The following GPHN variants were observed in gnomAD, a reference collection of about 807,000 sequenced individuals.
GPHN encodes gephyrin.
A neutral mutation model predicts 95.5 loss-of-function variants in GPHN; 17 were observed. That is an observed-to-expected ratio of 0.18 (90% CI 0.12 to 0.27). GPHN has a LOEUF of 0.27. Among genes scored for constraint, GPHN ranks in the 10% least tolerant of loss-of-function variants. The probability of loss-of-function intolerance (pLI) is 1.00; values close to 1 mark genes in which losing one functional copy is unlikely to be tolerated. For missense variants in GPHN, 660 were observed against 978.1 expected (o/e 0.67, Z 4.34); for synonymous variants, 320 against 322.5 (o/e 0.99, Z 0.08).
chr14:66,554,336 A>T (rs1248876480), intron 1 of GPHN, among the ~76,000 whole-genome samples: 1 of 152,180 alleles, frequency 6.6e-6, no homozygotes, highest in African/African-American at 2.4e-5. Flanking sequence ...TTTTGCTCTT[A>T]TATTTTTGTA....
the GPHN span, among the ~76,000 whole-genome samples, chr14:67,313,820 T>G: frequency 1.3e-5 from 2 of 152,172 alleles, no homozygotes; most frequent in African/African-American, 4.8e-5. Flanking sequence ...ATTTTCATGA[T>G]ATTGTCTCTG....
intron 8 of GPHN, among the ~76,000 whole-genome samples, chr14:66,941,044 T>G (rs1370248390): frequency 6.6e-6 from 1 of 152,070 alleles, no homozygotes; most frequent in Non-Finnish European, 1.5e-5. Flanking sequence ...TGGCAGGATT[T>G]GCAGGTTAAT....
At chr14:66,768,497 C>T (rs562930820) in intron 2 of GPHN, among the ~76,000 whole-genome samples, 34 of 151,830 alleles carry the variant, frequency 2.2e-4, no homozygotes, top group Non-Finnish European at 4.7e-4. Context: ...CAATATTCTG[C>T]AGGAAAAGAG....
chr14:67,114,288 A>C (rs1349049089), intron 16 of GPHN, among the ~76,000 whole-genome samples: 1 of 152,182 alleles, frequency 6.6e-6, no homozygotes, highest in Non-Finnish European at 1.5e-5. Context: ...ATAGCATCAG[A>C]AATAAATTTT....
chr14:67,684,193 T>C, the GPHN span, among the ~76,000 whole-genome samples: 2 of 152,228 alleles, frequency 1.3e-5, no homozygotes, highest in Non-Finnish European at 2.9e-5. Context: ...AGGCTGGCAT[T>C]ATAGGCCTCT....
At chr14:66,552,198 C>G (rs1461120903) in intron 1 of GPHN, among the ~76,000 whole-genome samples, 1 of 152,156 alleles carries the variant, frequency 6.6e-6, no homozygotes, top group African/African-American at 2.4e-5. Context: ...TAATCACTAT[C>G]ATGAGCAAAA....
At chr14:67,592,503 A>C in the GPHN span, 1 of 605,486 alleles carries the variant, frequency 1.7e-6, no homozygotes, top group South Asian at 2.1e-5. Flanking sequence ...GGAACTTCTC[A>C]AATAACTGAA....
the GPHN span, among the ~76,000 whole-genome samples, chr14:67,601,974 T>C: frequency 6.6e-6 from 1 of 152,222 alleles, no homozygotes; most frequent in Non-Finnish European, 1.5e-5. Flanking sequence ...AGAATTTTAT[T>C]TCCCTTTCTT....
the GPHN span, chr14:67,301,996 G>A: frequency 1.2e-6 from 2 of 1,606,008 alleles, no homozygotes; most frequent in East Asian, 4.5e-5. Flanking sequence ...CCACGATAAG[G>A]TTGCTGAGCA....
In GPHN at chr14:66,704,485, T is replaced by G. The variant is rs114357256; in HGVS notation, c.143+23300T>G. 1.0e-3 allele frequency among the ~76,000 whole-genome samples: 159 copies of G among 152,130 alleles called. 1 individual carries two copies. Among genetic ancestry groups the G allele is most frequent in the African/African-American group, 3.7e-3 (153 of 41,504 alleles). On this transcript the variant is annotated intron_variant, in intron 2 of 22. Transcript: ENST00000478722. ...TCTCTCACACCACAAGGTAATCAAG[T>G]TAGAACTCAGGATTAAGAAACTCAC...
At chr14:67,254,651 A>T in the GPHN span, among the ~76,000 whole-genome samples, 2 of 152,306 alleles carry the variant, frequency 1.3e-5, no homozygotes, top group African/African-American at 2.4e-5. Flanking sequence ...ACCAGATATG[A>T]GTCCTTATTA....
At chr14:66,929,773 G>A (rs543667448) in intron 8 of GPHN, among the ~76,000 whole-genome samples, 2 of 151,088 alleles carry the variant, frequency 1.3e-5, no homozygotes, top group South Asian at 2.1e-4. Flanking sequence ...CTGCAGTGGC[G>A]CTATCTTGGC....
intron 3 of GPHN, among the ~76,000 whole-genome samples, chr14:66,780,610 A>G (rs1461112778): frequency 6.6e-6 from 1 of 151,842 alleles, no homozygotes; most frequent in Non-Finnish European, 1.5e-5. Context: ...AGCAGGATTC[A>G]TGGATGATAT....
At chr14:66,871,167 A>G (rs1463602417) in intron 4 of GPHN, among the ~76,000 whole-genome samples, 1 of 152,180 alleles carries the variant, frequency 6.6e-6, no homozygotes, top group African/African-American at 2.4e-5. Context: ...TGTAACATCA[A>G]TACCTCAGAT....
At chr14:66,803,188 G>A (rs1032052861) in intron 3 of GPHN, among the ~76,000 whole-genome samples, 4 of 152,114 alleles carry the variant, frequency 2.6e-5, no homozygotes, top group African/African-American at 4.8e-5. Flanking sequence ...ATCCAGTTTC[G>A]CTTTCTGCTA....
chr14:67,642,501 A>G, the GPHN span: 1 of 1,037,820 alleles, frequency 9.6e-7, no homozygotes, highest in Non-Finnish European at 1.4e-6. Flanking sequence ...ATGAACAGCA[A>G]GCATTTAAAT....
chr14:67,373,626 G>C, the GPHN span, among the ~76,000 whole-genome samples: 1 of 152,164 alleles, frequency 6.6e-6, no homozygotes. Context: ...AGGTTTGTAG[G>C]TTTCAGCCAT....
chr14:67,079,759 C>T (rs540564241), intron 11 of GPHN, among the ~76,000 whole-genome samples: 1 of 152,130 alleles, frequency 6.6e-6, no homozygotes, highest in East Asian at 1.9e-4. Context: ...ATAACTCTTA[C>T]ACCTCCCTCT....
chr14:66,525,798 A>T (rs1456381563), intron 1 of GPHN, among the ~76,000 whole-genome samples: 1 of 151,964 alleles, frequency 6.6e-6, no homozygotes, highest in African/African-American at 2.4e-5. Flanking sequence ...ATGGTTGTAG[A>T]TGTGTGATGT....
Sources: allele counts gnomAD v4.1 joint callset (sites outside exome capture counted in the v4.1 genomes callset), GRCh38; gene constraint gnomAD v4.1.1; transcripts MANE v1.5; gene names NCBI Gene and HGNC (gene_info 2026-07-23, HGNC 2026-07-21).